Variants in PLA2G4A observed in about 807,000 individuals in gnomAD.
PLA2G4A encodes the protein cytosolic phospholipase A2.
Under a neutral mutation model 81.9 loss-of-function variants are expected in PLA2G4A, and 40 were observed. The ratio of observed to expected loss-of-function variants is 0.49; its 90% CI spans 0.38 to 0.64. The LOEUF (loss-of-function observed/expected upper bound fraction) is 0.64. PLA2G4A is among the 30% of genes least tolerant of loss of function. The pLI is 0.00. For synonymous variants in PLA2G4A, 302 were observed against 296.9 expected (o/e 1.02, Z -0.18); for missense variants, 715 against 905.1 (o/e 0.79, Z 2.69).
intron 1 of PLA2G4A, among the ~76,000 whole-genome samples, chr1:186,836,969 GGTAA>G (rs916979018): frequency 6.6e-6 from 1 of 152,124 alleles, no homozygotes; most frequent in Non-Finnish European, 1.5e-5. Flanking sequence ...TACGGGAGGC[GGTAA>G]GTAGAGTGAG....
chr1:186,960,763 CA>C (rs1431817926), intron 14 of PLA2G4A, among the ~76,000 whole-genome samples: 1 of 152,108 alleles, frequency 6.6e-6, no homozygotes, highest in African/African-American at 2.4e-5. Context: ...ATAAAAATAA[CA>C]ATGGTACCCA....
At position 186,948,011 on chromosome 1, in the gene PLA2G4A, T is replaced by C. The variant is rs919020652; in HGVS notation, c.1264+1050T>C. On this transcript the variant is annotated intron_variant, in intron 12 of 17. Coordinates refer to ENST00000367466, the MANE Select transcript of PLA2G4A (RefSeq NM_024420.3). ...AGTTTACATGCAAAAGAGAATACAA[T>C]TGTAACATTAATTGGAACATTAAGT... Among the ~76,000 whole-genome samples the C allele has an allele frequency of 2.6e-5, 4 of 152,158 alleles. No individual in the cohort carries two copies. The East Asian group carries it at 7.7e-4, about 29-fold the overall frequency.
intron 5 of PLA2G4A, among the ~76,000 whole-genome samples, chr1:186,901,378 C>T (rs1309318541): frequency 6.6e-6 from 1 of 152,040 alleles, no homozygotes; most frequent in Admixed American, 6.6e-5. Flanking sequence ...CTTGGGATTC[C>T]TCTGTTGGAT....
At chr1:186,851,269 T>C (rs1652361683) in intron 1 of PLA2G4A, among the ~76,000 whole-genome samples, 1 of 152,004 alleles carries the variant, frequency 6.6e-6, no homozygotes, top group Admixed American at 6.6e-5. Flanking sequence ...AGGGAGGACA[T>C]AAGCTCTCAG....
intron 6 of PLA2G4A, among the ~76,000 whole-genome samples, chr1:186,909,545 A>G (rs971748695): frequency 6.6e-6 from 1 of 150,960 alleles, no homozygotes; most frequent in Admixed American, 6.6e-5. Context: ...CTGTAATCCC[A>G]GCTACTTGGG....
intron 3 of PLA2G4A, among the ~76,000 whole-genome samples, chr1:186,874,251 G>C (rs1653388450): frequency 6.6e-6 from 1 of 151,924 alleles, no homozygotes; most frequent in South Asian, 2.1e-4. Context: ...ATTTCAATTG[G>C]TCATAGAATT....
chr1:186,892,826 G>A (rs761980404), intron 3 of PLA2G4A, among the ~76,000 whole-genome samples, 185 bp from the exon 4 acceptor site: 26 of 152,066 alleles, frequency 1.7e-4, no homozygotes, highest in Admixed American at 1.5e-3. Context: ...ATGAAGGACA[G>A]CGACATATGT....
chr1:186,941,050 T>C (rs925763359), intron 10 of PLA2G4A, among the ~76,000 whole-genome samples: 2 of 150,002 alleles, frequency 1.3e-5, no homozygotes, highest in African/African-American at 4.9e-5. Context: ...ACAGAGGAGC[T>C]TCCAGTGAGC....
At chr1:186,940,208 C>T (rs1656099089) in intron 10 of PLA2G4A, 114 bp downstream of exon 10, 1 of 725,776 alleles carries the variant, frequency 1.4e-6, no homozygotes, top group East Asian at 2.6e-5. Context: ...AATGTATTTT[C>T]TGTAACATAA....
At chr1:186,891,439 C>T (rs1280598937) in intron 3 of PLA2G4A, among the ~76,000 whole-genome samples, 13 of 152,040 alleles carry the variant, frequency 8.6e-5, no homozygotes. Flanking sequence ...TAACCATCCC[C>T]ACCTCCCCTC....
chr1:186,884,781 G>A (rs1041408920), intron 3 of PLA2G4A, among the ~76,000 whole-genome samples: 2 of 151,858 alleles, frequency 1.3e-5, no homozygotes, highest in African/African-American at 4.8e-5. Flanking sequence ...TGGGGAAGGG[G>A]GCTAAAGTGT....
At chr1:186,861,782 C>T (rs1652811795) in intron 2 of PLA2G4A, among the ~76,000 whole-genome samples, 1 of 151,990 alleles carries the variant, frequency 6.6e-6, no homozygotes, top group South Asian at 2.1e-4. Flanking sequence ...TGTTATTGGC[C>T]AGACTGTTGG....
intron 1 of PLA2G4A, among the ~76,000 whole-genome samples, chr1:186,835,108 T>C (rs1651732492): frequency 6.6e-6 from 1 of 152,122 alleles, no homozygotes; most frequent in Admixed American, 6.5e-5. Context: ...ACTAGAAACA[T>C]TAGGTCAGCA....
At chr1:186,955,629 G>T (rs1656717950) in intron 13 of PLA2G4A, among the ~76,000 whole-genome samples, 1 of 149,014 alleles carries the variant, frequency 6.7e-6, no homozygotes, top group Non-Finnish European at 1.5e-5. Flanking sequence ...AACAAATTAA[G>T]AACAAAAATG....
intron 14 of PLA2G4A, among the ~76,000 whole-genome samples, chr1:186,961,671 T>C (rs1197479828): frequency 2.6e-5 from 4 of 152,138 alleles, no homozygotes; most frequent in African/African-American, 4.8e-5. Context: ...TTACTGATGA[T>C]AAGGGGCAAA....
In PLA2G4A at chr1:186,911,474, G is replaced by A. The variant is rs1654940350; in HGVS notation, c.558+85G>A. On this transcript the variant is annotated intron_variant, in intron 7 of 17. Transcript: ENST00000367466. ...TCCCCAATAATTTTACCCAAATATG[G>A]CAATATTGAGATTGAGCATTATTCC... is the stretch of plus-strand genomic sequence containing the variant. 7 of 973,742 alleles carry A rather than the reference G, an allele frequency of 7.2e-6. No individual in the cohort carries two copies. In the South Asian group the frequency reaches 9.0e-5, roughly 13 times the overall value. 60.3% of individuals were successfully genotyped at this position (973,742 alleles called of 1,614,324 possible).
intron 3 of PLA2G4A, among the ~76,000 whole-genome samples, chr1:186,874,382 G>A (rs200377852): frequency 7.0e-6 from 1 of 143,022 alleles, no homozygotes; most frequent in African/African-American, 2.6e-5. Flanking sequence ...TCTTTTAGAA[G>A]TGTTGGGGAA....
At chr1:186,911,509 TTAAGG>T (rs563986852) in intron 7 of PLA2G4A, 120 bp downstream of exon 7, 2 of 795,904 alleles carry the variant, frequency 2.5e-6, no homozygotes, top group African/African-American at 1.7e-5. Flanking sequence ...CTTTAGTTTT[TTAAGG>T]TAAGGTAAGT....
chr1:186,970,263 T>G (rs551686380), intron 15 of PLA2G4A, among the ~76,000 whole-genome samples: 1 of 152,028 alleles, frequency 6.6e-6, no homozygotes, highest in African/African-American at 2.4e-5. Context: ...CCGATTGTTT[T>G]TCCTATTGAG....
Sources: gnomAD v4.1 joint callset for allele counts (sites outside exome capture counted in the v4.1 genomes callset) on GRCh38, gnomAD v4.1.1 for gene constraint, MANE v1.5 for transcripts, NCBI Gene and HGNC (gene_info 2026-07-23, HGNC 2026-07-21) for gene names.